Variants in CSMD3 observed in about 807,000 individuals in gnomAD.
The protein encoded by CSMD3 is CUB and Sushi multiple domains 3.
CSMD3 carries 177 observed loss-of-function variants against 435.2 expected under a neutral mutation model. The observed-to-expected ratio is 0.41, with a 90% CI of 0.36 to 0.46. The LOEUF (loss-of-function observed/expected upper bound fraction) is 0.46, where lower values mean the gene tolerates loss of function less well. Ranked by LOEUF, CSMD3 falls within the 20% of genes least tolerant of loss-of-function variation. The probability of loss-of-function intolerance (pLI) is 0.34; values close to 1 mark genes in which losing one functional copy is unlikely to be tolerated. For synonymous variants in CSMD3, 1,656 were observed against 1,520.5 expected (o/e 1.09, Z -2.07); for missense variants, 4,265 against 4,504.6 (o/e 0.95, Z 1.52).
intron 16 of CSMD3, among the ~76,000 whole-genome samples, chr8:112,672,015 GATATTAT>G (rs1219633762): frequency 6.6e-6 from 1 of 151,934 alleles, no homozygotes; most frequent in Non-Finnish European, 1.5e-5. Context: ...AATTCTATGT[GATATTAT>G]ATCTGCCTTC....
rs1329903279 is a variant in CSMD3 at position 112,556,791 on chromosome 8, T to G, written c.4206A>C (p.Ala1402=). ...LLKCMTGERR[A]WDYPLPSCIA... is the part of the protein sequence containing the mutation. ...TACAGGAAGGCAGAGGATAGTCCCA[T>G]GCCCTTCTCTCCCCTGTCATGCACT... The change falls in exon 25 of 71, where the codon GCA becomes GCC. Residue 1402 remains alanine (A), a synonymous_variant. Coordinates refer to ENST00000297405, the MANE Select transcript of CSMD3 (RefSeq NM_198123.2). The G allele has an allele frequency of 1.9e-6, 3 of 1,612,150 alleles. No homozygotes were observed. Among genetic ancestry groups the G allele is most frequent in the Non-Finnish European group, 2.5e-6 (3 of 1,178,698 alleles).
chr8:112,650,139 T>G, intron 19 of CSMD3, 22 bp downstream of exon 19: 1 of 1,544,294 alleles, frequency 6.5e-7, no homozygotes, highest in Non-Finnish European at 9.0e-7. Flanking sequence ...CAGCATATTT[T>G]GCATGTCAAA....
intron 10 of CSMD3, among the ~76,000 whole-genome samples, chr8:112,917,940 T>C (rs2082621116): frequency 6.6e-6 from 1 of 151,910 alleles, no homozygotes; most frequent in African/African-American, 2.4e-5. Flanking sequence ...CCTCTGCCTA[T>C]ATCCACAATA....
chr8:112,890,427 T>C (rs902882510), intron 10 of CSMD3, among the ~76,000 whole-genome samples: 1 of 151,730 alleles, frequency 6.6e-6, no homozygotes, highest in African/African-American at 2.4e-5. Flanking sequence ...AATTTCATCC[T>C]GATGCCAGAA....
chr8:112,664,906 G>C (rs1378080448), intron 17 of CSMD3, among the ~76,000 whole-genome samples: 1 of 152,126 alleles, frequency 6.6e-6, no homozygotes, highest in African/African-American at 2.4e-5. Flanking sequence ...CATGCAGTCT[G>C]TGACACTTGG....
At chr8:112,652,206 A>G (rs193200398) in intron 18 of CSMD3, among the ~76,000 whole-genome samples, 51 of 152,250 alleles carry the variant, frequency 3.3e-4, no homozygotes, top group Admixed American at 3.0e-3. Context: ...CATTTTTTAT[A>G]TCAATCAGAT....
intron 1 of CSMD3, among the ~76,000 whole-genome samples, chr8:113,353,733 A>G (rs192478477): frequency 3.7e-4 from 57 of 152,180 alleles, no homozygotes; most frequent in Admixed American, 1.1e-3. Flanking sequence ...TCAGTTTTTC[A>G]CACTTACTGA....
intron 1 of CSMD3, among the ~76,000 whole-genome samples, chr8:113,428,617 C>A (rs890548781): frequency 4.6e-5 from 7 of 151,770 alleles, no homozygotes; most frequent in African/African-American, 1.7e-4. Flanking sequence ...GTAAAGGACA[C>A]TTTAGTTAAG....
rs1480139835 is a variant in CSMD3, at chr8:113,238,072, C to T, written c.514+40520G>A. 2.6e-5 allele frequency among the ~76,000 whole-genome samples: 3 copies of T among 117,136 alleles called. No homozygotes were observed. In the Admixed American group the frequency reaches 2.6e-4, roughly 10 times the overall value. The allele number at this position is 117,136 out of a possible 152,430, so 76.8% of individuals were successfully genotyped here. On this transcript the variant is annotated intron_variant, in intron 3 of 70. Transcript: ENST00000297405. ...CCTGGGCAACAGAACAAGACTCCAT[C>T]TCAAAAAAAAAAAAAAAAAAAGGTG... is the stretch of plus-strand genomic sequence containing the variant.
At chr8:112,858,441 G>A (rs2080728571) in intron 11 of CSMD3, among the ~76,000 whole-genome samples, 1 of 151,726 alleles carries the variant, frequency 6.6e-6, no homozygotes, top group Admixed American at 6.6e-5. Context: ...CACATAATTT[G>A]AAGATTTGAG....
intron 10 of CSMD3, among the ~76,000 whole-genome samples, chr8:112,904,860 G>T (rs1164145383): frequency 6.6e-6 from 1 of 151,330 alleles, no homozygotes; most frequent in Non-Finnish European, 1.5e-5. Context: ...AAAAACCAAA[G>T]GAAAAAGCCA....
intron 17 of CSMD3, among the ~76,000 whole-genome samples, chr8:112,661,327 G>A (rs998481542): frequency 1.2e-4 from 18 of 152,110 alleles, no homozygotes; most frequent in Non-Finnish European, 1.9e-4. Context: ...GAATTCATTT[G>A]GAGAATTCTA....
At chr8:112,576,196 A>C (rs924306788) in intron 23 of CSMD3, among the ~76,000 whole-genome samples, 3 of 152,120 alleles carry the variant, frequency 2.0e-5, no homozygotes, top group Non-Finnish European at 4.4e-5. Flanking sequence ...TGGGGAAATA[A>C]AAATTGGATG....
chr8:112,727,034 C>T (rs1479626944), intron 13 of CSMD3, among the ~76,000 whole-genome samples: 1 of 151,696 alleles, frequency 6.6e-6, no homozygotes, highest in African/African-American at 2.4e-5. Flanking sequence ...TATTTAGCCT[C>T]ATTCTTCAGG....
intron 10 of CSMD3, among the ~76,000 whole-genome samples, chr8:112,882,616 C>T (rs1054162605): frequency 2.6e-5 from 4 of 152,000 alleles, no homozygotes; most frequent in Non-Finnish European, 4.4e-5. Context: ...CCTACTGTGG[C>T]TTGTGTCTCA....
chr8:113,103,541 T>C (rs1564318241), intron 4 of CSMD3, among the ~76,000 whole-genome samples: 2 of 152,126 alleles, frequency 1.3e-5, no homozygotes, highest in Non-Finnish European at 2.9e-5. Flanking sequence ...ATTAACCCTT[T>C]TGGAATTTGG....
At chr8:112,677,376 A>C (rs2075791652) in intron 16 of CSMD3, among the ~76,000 whole-genome samples, 1 of 151,066 alleles carries the variant, frequency 6.6e-6, no homozygotes, top group African/African-American at 2.4e-5. Context: ...GTATTTGAGA[A>C]GCCTTCTGTT....
intron 17 of CSMD3, among the ~76,000 whole-genome samples, chr8:112,663,055 G>C (rs1405828433): frequency 2.6e-5 from 4 of 152,096 alleles, no homozygotes; most frequent in Admixed American, 2.0e-4. Flanking sequence ...GGAGAAATAG[G>C]AACACTTTTA....
At chr8:113,277,233 A>C (rs1231167933) in intron 3 of CSMD3, among the ~76,000 whole-genome samples, 6 of 152,136 alleles carry the variant, frequency 3.9e-5, no homozygotes, top group African/African-American at 1.4e-4. Context: ...CTATGAATTA[A>C]GTTGCCAGGA....
Sources: allele counts gnomAD v4.1 joint callset (sites outside exome capture counted in the v4.1 genomes callset), GRCh38; gene constraint gnomAD v4.1.1; transcripts MANE v1.5; gene names NCBI Gene and HGNC (gene_info 2026-07-23, HGNC 2026-07-21).